Variants in MAGI2 observed in about 807,000 individuals in gnomAD.
MAGI2 encodes membrane-associated guanylate kinase, WW and PDZ domain-containing protein 2.
MAGI2 carries 35 observed loss-of-function variants against 133.3 expected under a neutral mutation model. The observed-to-expected ratio is 0.26, with a 90% CI of 0.20 to 0.35. The LOEUF (loss-of-function observed/expected upper bound fraction) is 0.35. MAGI2 is among the 10% of genes least tolerant of loss of function. The probability of loss-of-function intolerance (pLI) is 1.00; values close to 1 mark genes in which losing one functional copy is unlikely to be tolerated. For missense variants in MAGI2, 1,636 were observed against 1,863.4 expected (o/e 0.88, Z 2.25); for synonymous variants, 729 against 710.6 (o/e 1.03, Z -0.41).
chr7:78,685,580 C>G (rs1343073811), intron 2 of MAGI2, among the ~76,000 whole-genome samples: 2 of 57,680 alleles, frequency 3.5e-5, no homozygotes, highest in South Asian at 1.1e-3. Flanking sequence ...TTTGCTTAAA[C>G]AACCAACAAA....
At chr7:78,269,949 G>A (rs1329513633) in intron 9 of MAGI2, among the ~76,000 whole-genome samples, 3 of 152,176 alleles carry the variant, frequency 2.0e-5, no homozygotes, top group Non-Finnish European at 4.4e-5. Flanking sequence ...TGTATAAGGT[G>A]TAAGGAAGGG....
At chr7:79,124,496 T>A (rs1820220046) in intron 1 of MAGI2, among the ~76,000 whole-genome samples, 1 of 152,190 alleles carries the variant, frequency 6.6e-6, no homozygotes, top group Non-Finnish European at 1.5e-5. Context: ...GTCTACTGAC[T>A]CCCAAGTTTG....
chr7:78,194,425 G>A (rs1403150676), intron 12 of MAGI2, among the ~76,000 whole-genome samples: 1 of 152,094 alleles, frequency 6.6e-6, no homozygotes, highest in African/African-American at 2.4e-5. Context: ...TTGATTTCAT[G>A]CTTGTGAGCT....
intron 1 of MAGI2, among the ~76,000 whole-genome samples, chr7:79,391,540 C>CATATATATATATATATATATATAT (rs1198335417): frequency 4.3e-5 from 2 of 46,694 alleles, no homozygotes; most frequent in East Asian, 1.1e-3. Flanking sequence ...TATATATAGA[C>CATATATATATATATATATATATAT]ATATATATAT....
intron 1 of MAGI2, among the ~76,000 whole-genome samples, chr7:79,205,497 T>C (rs1828965967): frequency 6.6e-6 from 1 of 151,966 alleles, no homozygotes; most frequent in Non-Finnish European, 1.5e-5. Context: ...AAGTGGCTTC[T>C]TTGAGTTGAA....
At chr7:78,933,553 AAT>A (rs1000438753) in intron 2 of MAGI2, among the ~76,000 whole-genome samples, 4 of 152,152 alleles carry the variant, frequency 2.6e-5, no homozygotes, top group African/African-American at 7.2e-5. Flanking sequence ...AGCTGGAAGA[AAT>A]AGATATCAGA....
rs371834102 is a variant in MAGI2 at position 78,887,632 on chromosome 7, A to G, written c.418+119458T>C. On this transcript the variant is annotated intron_variant, in intron 2 of 21. Coordinates refer to ENST00000354212, the MANE Select transcript of MAGI2 (RefSeq NM_012301.4). ...ACTGTGTGGGTCTTTGTTCAGACAC[A>G]TATCCACCCAACTCCCATTTCTTCT... Among the ~76,000 whole-genome samples, 8 of 152,386 alleles carry G rather than the reference A, an allele frequency of 5.2e-5. 1 individual carries two copies. Among genetic ancestry groups the G allele is most frequent in the Admixed American group, 2.6e-4 (4 of 15,310 alleles).
At chr7:78,894,685 C>T (rs1797063961) in intron 2 of MAGI2, among the ~76,000 whole-genome samples, 1 of 151,982 alleles carries the variant, frequency 6.6e-6, no homozygotes, top group East Asian at 1.9e-4. Context: ...AGATGATAGG[C>T]AATACGAACA....
At chr7:78,267,067 C>A (rs574403051) in intron 9 of MAGI2, among the ~76,000 whole-genome samples, 2 of 152,252 alleles carry the variant, frequency 1.3e-5, no homozygotes, top group East Asian at 3.9e-4. Context: ...TCTCTATCAA[C>A]CTACATGGTA....
chr7:79,150,009 G>T (rs1272471772), intron 1 of MAGI2, among the ~76,000 whole-genome samples: 2 of 152,116 alleles, frequency 1.3e-5, no homozygotes, highest in African/African-American at 4.8e-5. Context: ...GAGATCAGGA[G>T]ATAAAGTGTA....
At chr7:79,263,147 C>A (rs1036755412) in intron 1 of MAGI2, among the ~76,000 whole-genome samples, 2 of 152,104 alleles carry the variant, frequency 1.3e-5, no homozygotes, top group African/African-American at 4.8e-5. Context: ...CACAACAAAA[C>A]AACCATATAG....
intron 12 of MAGI2, among the ~76,000 whole-genome samples, chr7:78,189,962 G>A (rs1352543934): frequency 6.6e-6 from 1 of 152,188 alleles, no homozygotes; most frequent in Non-Finnish European, 1.5e-5. Flanking sequence ...ACCTTATACT[G>A]CCTTGCCTAT....
intron 16 of MAGI2, among the ~76,000 whole-genome samples, chr7:78,142,232 C>T (rs1344743202): frequency 6.6e-6 from 1 of 152,126 alleles, no homozygotes; most frequent in Non-Finnish European, 1.5e-5. Context: ...GAACAAGGAC[C>T]TCACACTTTG....
chr7:78,573,400 A>G (rs1474333093), intron 3 of MAGI2, among the ~76,000 whole-genome samples: 1 of 80,336 alleles, frequency 1.2e-5, no homozygotes, highest in Non-Finnish European at 2.2e-5. Context: ...ATATATATAT[A>G]TATAGGCTGC....
intron 1 of MAGI2, among the ~76,000 whole-genome samples, chr7:79,254,479 CTA>C (rs1241942965): frequency 6.6e-6 from 1 of 152,160 alleles, no homozygotes; most frequent in Admixed American, 6.5e-5. Context: ...ATTATTTTCT[CTA>C]TCTTCTCTTC....
At chr7:79,287,889 G>A (rs1754583033) in intron 1 of MAGI2, among the ~76,000 whole-genome samples, 1 of 97,456 alleles carries the variant, frequency 1.0e-5, no homozygotes, top group Non-Finnish European at 2.6e-5. Context: ...ATTGTACAAT[G>A]CAATTTTAAT....
intron 2 of MAGI2, among the ~76,000 whole-genome samples, chr7:78,674,125 A>T (rs537084469): frequency 1.1e-4 from 17 of 152,308 alleles, no homozygotes; most frequent in Non-Finnish European, 2.2e-4. Context: ...TGTACCTTTC[A>T]TACATTAATA....
At chr7:78,389,818 C>T (rs924784090) in intron 6 of MAGI2, among the ~76,000 whole-genome samples, 2 of 152,074 alleles carry the variant, frequency 1.3e-5, no homozygotes, top group African/African-American at 2.4e-5. Flanking sequence ...CTAACACAGA[C>T]GTCAGAAAAG....
intron 2 of MAGI2, among the ~76,000 whole-genome samples, chr7:78,897,576 C>G (rs1382188424): frequency 6.6e-6 from 1 of 152,174 alleles, no homozygotes; most frequent in Non-Finnish European, 1.5e-5. Context: ...ATTCCTCCAG[C>G]TTTGTTCATT....
Sources: gnomAD v4.1 joint callset for allele counts (sites outside exome capture counted in the v4.1 genomes callset) on GRCh38, gnomAD v4.1.1 for gene constraint, MANE v1.5 for transcripts, NCBI Gene and HGNC (gene_info 2026-07-23, HGNC 2026-07-21) for gene names.